TCEANC2: variants seen among roughly 807,000 people sequenced by gnomAD.
The protein encoded by TCEANC2 is transcription elongation factor A N-terminal and central domain containing 2, also known as transcription elongation factor A N-terminal and central domain-containing protein 2.
TCEANC2 carries 20 observed loss-of-function variants against 22.8 expected under a neutral mutation model. The ratio of observed to expected loss-of-function variants is 0.88; its 90% confidence interval spans 0.62 to 1.28. TCEANC2 has a LOEUF of 1.28. Among genes scored for constraint, TCEANC2 ranks in the 50% most tolerant of loss-of-function variants. The pLI, the probability that TCEANC2 is intolerant of heterozygous loss-of-function variation, is 0.00. For synonymous variants in TCEANC2, 84 were observed against 95.5 expected, an observed-to-expected ratio of 0.88 and a Z score of 0.70; for missense variants, 251 against 249.7, an observed-to-expected ratio of 1.01 and a Z score of -0.03.
At chr1:54,080,216 G>T (rs563605021) in intron 3 of TCEANC2, among the ~76,000 whole-genome samples, 2 of 150,560 alleles carry the variant, frequency 1.3e-5, no homozygotes, top group South Asian at 2.1e-4. Context: ...CGATCTTGGC[G>T]CACTGAAACC....
chr1:54,089,096 GT>G (rs1436519091), intron 4 of TCEANC2, among the ~76,000 whole-genome samples: 1 of 152,152 alleles, frequency 6.6e-6, no homozygotes, highest in African/African-American at 2.4e-5. Context: ...ATAGCTTAAC[GT>G]TTTCTGAGAC....
chr1:54,056,317 C>CTTTTTTTT (rs59118907), intron 2 of TCEANC2, among the ~76,000 whole-genome samples: 2 of 148,714 alleles, frequency 1.3e-5, no homozygotes, highest in African/African-American at 5.1e-5. Context: ...CTTTTCTTTT[C>CTTTTTTTT]TTTTTTTTTG....
intron 3 of TCEANC2, among the ~76,000 whole-genome samples, chr1:54,073,500 C>T (rs1658094957): frequency 6.6e-6 from 1 of 152,180 alleles, no homozygotes; most frequent in Non-Finnish European, 1.5e-5. Flanking sequence ...AGGATAACCC[C>T]ACCCCTCCCT....
chr1:54,058,774 A>T (rs1339339638), intron 2 of TCEANC2, among the ~76,000 whole-genome samples: 1 of 152,074 alleles, frequency 6.6e-6, no homozygotes, highest in East Asian at 1.9e-4. Flanking sequence ...CTCCTGCCTC[A>T]GCCTCCCAAG....
intron 2 of TCEANC2, among the ~76,000 whole-genome samples, chr1:54,067,195 C>T (rs527997032): frequency 6.6e-6 from 1 of 152,144 alleles, no homozygotes; most frequent in Non-Finnish European, 1.5e-5. Flanking sequence ...GGCTGTTACC[C>T]GCCGAATTCT....
rs1370715777 is a variant in TCEANC2, at chr1:54,101,873, G to T, written c.*5400G>T. ...TTGTCTTGGACTCCTGGCCTCAAGTGAGCCTCCTGCCTTGGCCTTCCAAAG... is the reference window on the plus strand; with the variant it reads ...TTGTCTTGGACTCCTGGCCTCAAGTTAGCCTCCTGCCTTGGCCTTCCAAAG... On this transcript the variant is annotated 3_prime_UTR_variant, in exon 5 of 5. Coordinates refer to ENST00000234827, the MANE Select transcript of TCEANC2 (RefSeq NM_153035.3). 6.6e-6 allele frequency: 1 copy of T among 152,164 alleles called. No homozygotes were observed. The highest frequency in any genetic ancestry group is 2.4e-5 in the African/African-American group (1 of 41,422). 9.4% of individuals were successfully genotyped at this position (152,164 alleles called of 1,614,324 possible).
At chr1:54,095,940 CA>C (rs149327842) in intron 4 of TCEANC2, among the ~76,000 whole-genome samples, 2 of 150,964 alleles carry the variant, frequency 1.3e-5, no homozygotes, top group Admixed American at 6.6e-5. Flanking sequence ...AAAAACAAAA[CA>C]AAAAAAAATA....
At chr1:54,055,889 T>A (rs1048925556) in intron 2 of TCEANC2, among the ~76,000 whole-genome samples, 1 of 152,196 alleles carries the variant, frequency 6.6e-6, no homozygotes, top group Admixed American at 6.5e-5. Context: ...ACTATATCAG[T>A]GTTTCTTCAA....
chr1:54,061,319 C>T (rs1374508357), intron 2 of TCEANC2, among the ~76,000 whole-genome samples: 6 of 152,134 alleles, frequency 3.9e-5, no homozygotes, highest in African/African-American at 1.2e-4. Flanking sequence ...TAACAGTACC[C>T]CATCTGCATG....
At position 54,093,833 on chromosome 1, in the gene TCEANC2, CA is replaced by C. The variant is rs879716828; in HGVS notation, c.439-2441del. The stretch of plus-strand genomic sequence containing the variant: ...CTTCTTCTTTGATAACGACTCCCCT[CA>C]AAAAAAAAAAGACTTTCATGCTAAG... On this transcript the variant is annotated intron_variant, in intron 4 of 4. Coordinates refer to ENST00000234827, the MANE Select transcript of TCEANC2 (RefSeq NM_153035.3). Among the ~76,000 whole-genome samples the C allele has an allele frequency of 7.7e-3, 1,079 of 140,138 alleles. 13 individuals are homozygous for C. Among genetic ancestry groups the C allele is most frequent in the African/African-American group, 0.025 (967 of 38,410 alleles). The allele number at this position is 140,138 out of a possible 152,430, so 91.9% of individuals were successfully genotyped here.
At position 54,099,432 on chromosome 1, in the gene TCEANC2, G is replaced by A. The variant is rs1316858640; in HGVS notation, c.*2959G>A. 1.3e-5 allele frequency: 2 copies of A among 152,210 alleles called. No homozygotes were observed. Among genetic ancestry groups the A allele is most frequent in the African/African-American group, 4.8e-5 (2 of 41,440 alleles). The allele number at this position is 152,210 out of a possible 1,614,324, so 9.4% of individuals were successfully genotyped here. A position where few individuals can be genotyped will look rare whatever the true frequency, so the allele number is the denominator to read the frequency against. The stretch of plus-strand genomic sequence containing the variant: ...CCCACACACTGAGAAGTAACTCGGA[G>A]CTACAGTCTGTTAAAAATGAAAAGG... On this transcript the variant is annotated 3_prime_UTR_variant, in exon 5 of 5. Transcript: ENST00000234827.
In TCEANC2 at chr1:54,099,468, G is replaced by T. The variant is rs891064262; in HGVS notation, c.*2995G>T. 8 of 152,244 alleles carry T rather than the reference G, an allele frequency of 5.3e-5. No homozygotes were observed. Among genetic ancestry groups the T allele is most frequent in the African/African-American group, 1.4e-4 (6 of 41,442 alleles). The allele number at this position is 152,244 out of a possible 1,614,324, so 9.4% of individuals were successfully genotyped here. ...TTAAAAATGAAAAGGTTGAGGCCGG[G>T]TGCATTGGTTCATGCCTATAATCCC... is the stretch of plus-strand genomic sequence containing the variant. On this transcript the variant is annotated 3_prime_UTR_variant, in exon 5 of 5. Transcript: ENST00000234827.
intron 2 of TCEANC2, 148 bp downstream of exon 2, chr1:54,054,672 A>G (rs1657711347): frequency 7.8e-6 from 6 of 770,360 alleles, no homozygotes; most frequent in South Asian, 2.1e-5. Flanking sequence ...TGTTTCGCCC[A>G]TAGCTGTACA....
chr1:54,096,563 T>C lies in TCEANC2; in HGVS notation c.*90T>C. ...GACGCTTTTGAGTTTGGGTGATGGC[T>C]GATGCTGGCTGTGCTAGATTTTCCC... On this transcript the variant is annotated 3_prime_UTR_variant, in exon 5 of 5. Transcript: ENST00000234827. The surrounding 1 kb of genome is among the most constrained non-coding windows in gnomAD (Gnocchi z 4.9). The C allele has an allele frequency of 1.4e-6, 2 of 1,479,736 alleles. No individual in the cohort carries two copies. Among genetic ancestry groups the C allele is most frequent in the South Asian group, 1.4e-5 (1 of 72,888 alleles). The allele number at this position is 1,479,736 out of a possible 1,614,324, so 91.7% of individuals were successfully genotyped here. A position where few individuals can be genotyped will look rare whatever the true frequency, so the allele number is the denominator to read the frequency against.
chr1:54,054,839 T>C (rs530020755), intron 2 of TCEANC2, among the ~76,000 whole-genome samples: 4 of 152,264 alleles, frequency 2.6e-5, no homozygotes, highest in Admixed American at 6.5e-5. Context: ...TATGATTCTA[T>C]ATACCTACCC....
downstream of TCEANC2, among the ~76,000 whole-genome samples, chr1:54,109,461 G>GGA (rs1658808885): frequency 6.6e-6 from 1 of 152,168 alleles, no homozygotes; most frequent in African/African-American, 2.4e-5. Context: ...GAACTTTAAA[G>GGA]GTTTTCAGGT....
intron 3 of TCEANC2, among the ~76,000 whole-genome samples, chr1:54,084,542 C>CA (rs1394849912): frequency 6.6e-6 from 1 of 152,004 alleles, no homozygotes; most frequent in East Asian, 1.9e-4. Context: ...TCCTCAGCAC[C>CA]AGGCATAAGG....
intron 2 of TCEANC2, among the ~76,000 whole-genome samples, chr1:54,060,002 T>A (rs1657821236): frequency 6.6e-6 from 1 of 151,984 alleles, no homozygotes; most frequent in Non-Finnish European, 1.5e-5. Flanking sequence ...GTGTGGTGGC[T>A]CATGCCTATA....
rs878891529 is a variant in TCEANC2 at position 54,088,513 on chromosome 1, T to A, written c.245-84T>A. On this transcript the variant is annotated intron_variant, in intron 3 of 4. Coordinates refer to ENST00000234827, the MANE Select transcript of TCEANC2 (RefSeq NM_153035.3). The stretch of plus-strand genomic sequence containing the variant: ...TTGGGTGTGTGAATGACTTTCTCAG[T>A]GCCACACGTCAGTCCATCTAGTCCT... 10 of 1,123,706 alleles carry A rather than the reference T, an allele frequency of 8.9e-6. No individual in the cohort carries two copies. The South Asian group carries it at 1.6e-4, about 18-fold the overall frequency. 69.6% of individuals were successfully genotyped at this position (1,123,706 alleles called of 1,614,324 possible). A position where few individuals can be genotyped will look rare whatever the true frequency, so the allele number is the denominator to read the frequency against.
Sources: allele counts gnomAD v4.1 joint callset (sites outside exome capture counted in the v4.1 genomes callset), GRCh38; gene constraint gnomAD v4.1.1; non-coding constraint Gnocchi (gnomAD v3.1); transcripts MANE v1.5; gene names NCBI Gene and HGNC (gene_info 2026-07-23, HGNC 2026-07-21).